SPECC1: variants seen among roughly 807,000 people sequenced by gnomAD.
SPECC1 encodes the protein sperm antigen with calponin homology and coiled-coil domains 1.
SPECC1 carries 62 observed loss-of-function variants against 104.1 expected under a neutral mutation model. The ratio of observed to expected loss-of-function variants is 0.60; its 90% CI spans 0.49 to 0.74. The LOEUF (loss-of-function observed/expected upper bound fraction) is 0.74, where lower values mean the gene tolerates loss of function less well. Ranked by LOEUF, SPECC1 falls within the 30% of genes least tolerant of loss-of-function variation. The probability of loss-of-function intolerance (pLI) is 0.00; values close to 1 mark genes in which losing one functional copy is unlikely to be tolerated. For synonymous variants in SPECC1, 513 were observed against 501.6 expected (o/e 1.02, Z -0.30); for missense variants, 1,306 against 1,310.5 (o/e 1.00, Z 0.05).
At chr17:20,254,835 C>T (rs192997943) in intron 10 of SPECC1, among the ~76,000 whole-genome samples, 277 of 152,232 alleles carry the variant, frequency 1.8e-3, no homozygotes, top group Non-Finnish European at 3.0e-3. Flanking sequence ...CAGGCTTGTT[C>T]TTAAAATAGT....
intron 13 of SPECC1, among the ~76,000 whole-genome samples, chr17:20,300,027 G>A (rs1246063090): frequency 1.3e-5 from 2 of 152,368 alleles, no homozygotes; most frequent in South Asian, 2.1e-4. Flanking sequence ...AGATGTGACT[G>A]AAGACTGAAT....
At chr17:20,014,665 C>T (rs935973942) in intron 1 of SPECC1, among the ~76,000 whole-genome samples, 1 of 152,070 alleles carries the variant, frequency 6.6e-6, no homozygotes, top group Non-Finnish European at 1.5e-5. Flanking sequence ...GTCTGACTCT[C>T]GTTTCTTTGT....
In SPECC1 at chr17:20,149,630, T is replaced by C. The variant is rs561317787; in HGVS notation, c.283+39068T>C. Among the ~76,000 whole-genome samples, 11 of 152,314 alleles carry C rather than the reference T, an allele frequency of 7.2e-5. No homozygotes were observed. The South Asian group carries it at 2.3e-3, about 32-fold the overall frequency. On this transcript the variant is annotated intron_variant, in intron 3 of 14. Coordinates refer to ENST00000395527, the MANE Select transcript of SPECC1 (RefSeq NM_001243439.2). ...CCTCTGGACTTGGTCTTGTAGACCT[T>C]TTCCCTTTTCTTTGTATCCTTTTGC...
intron 9 of SPECC1, among the ~76,000 whole-genome samples, chr17:20,252,917 A>G (rs2039685417): frequency 6.6e-6 from 1 of 151,912 alleles, no homozygotes; most frequent in Non-Finnish European, 1.5e-5. Flanking sequence ...TGGTAGTACT[A>G]TTTCTAATTT....
intron 3 of SPECC1, among the ~76,000 whole-genome samples, chr17:20,192,336 C>T (rs903826418): frequency 2.0e-5 from 3 of 152,054 alleles, no homozygotes; most frequent in Non-Finnish European, 2.9e-5. Context: ...AGTCCTTTAT[C>T]GGATATGTCT....
chr17:20,090,340 C>T (rs2047349532), intron 1 of SPECC1, among the ~76,000 whole-genome samples: 1 of 152,146 alleles, frequency 6.6e-6, no homozygotes, highest in African/African-American at 2.4e-5. Context: ...GGGTGCTGCA[C>T]TTTCCGTTTT....
rs757006741 is a variant in SPECC1 at position 20,009,396 on chromosome 17, G to A, written c.-50G>A. 1 of 152,156 alleles carries A rather than the reference G, an allele frequency of 6.6e-6. No homozygotes were observed. The allele number at this position is 152,156 out of a possible 1,614,324, so 9.4% of individuals were successfully genotyped here. ...GCGCCCGGAGCCGTGGCCGCTGGGG[G>A]TTGCGGCGGCGCTGAGCCAGCGGGG... On this transcript the variant is annotated 5_prime_UTR_variant, in exon 1 of 15. Transcript: ENST00000395527. This position sits in a 1 kb window ranked among gnomAD's most constrained non-coding sequence, Gnocchi z 5.2.
chr17:20,310,777 G>A (rs2041908197), intron 14 of SPECC1, among the ~76,000 whole-genome samples: 1 of 152,220 alleles, frequency 6.6e-6, no homozygotes, highest in Non-Finnish European at 1.5e-5. Flanking sequence ...CTGAGGCATG[G>A]CTGGGCCTAC....
At chr17:20,095,119 T>A (rs1430138416) in intron 1 of SPECC1, among the ~76,000 whole-genome samples, 1 of 152,200 alleles carries the variant, frequency 6.6e-6, no homozygotes, top group Non-Finnish European at 1.5e-5. Context: ...TTAGTTACTG[T>A]ATAGGTCTCA....
At chr17:20,093,195 C>T (rs192172638) in intron 1 of SPECC1, among the ~76,000 whole-genome samples, 4 of 152,138 alleles carry the variant, frequency 2.6e-5, no homozygotes, top group Admixed American at 6.5e-5. Context: ...GATCAAGGTG[C>T]CACTAGATTT....
intron 1 of SPECC1, among the ~76,000 whole-genome samples, chr17:20,024,212 T>C (rs1186049743): frequency 6.6e-6 from 1 of 152,208 alleles, no homozygotes; most frequent in East Asian, 1.9e-4. Flanking sequence ...AATCTTGTCA[T>C]TTCTTGAAAC....
At chr17:20,086,355 A>T (rs1419501313) in intron 1 of SPECC1, among the ~76,000 whole-genome samples, 1 of 151,938 alleles carries the variant, frequency 6.6e-6, no homozygotes, top group Non-Finnish European at 1.5e-5. Flanking sequence ...CTTCACTTCC[A>T]CAGACAGACA....
intron 3 of SPECC1, among the ~76,000 whole-genome samples, chr17:20,119,487 C>T (rs2048923028): frequency 6.6e-6 from 1 of 152,268 alleles, no homozygotes; most frequent in African/African-American, 2.4e-5. Flanking sequence ...CTGCCTCAGC[C>T]TCCCAAAGTG....
intron 10 of SPECC1, among the ~76,000 whole-genome samples, 182 bp downstream of exon 10, chr17:20,253,768 A>G (rs554139029): frequency 6.6e-6 from 1 of 152,326 alleles, no homozygotes; most frequent in Admixed American, 6.5e-5. Context: ...ACAAAAGGAA[A>G]AAGTGTCTCC....
At chr17:20,195,788 A>C (rs1015898538) in intron 3 of SPECC1, among the ~76,000 whole-genome samples, 2 of 152,172 alleles carry the variant, frequency 1.3e-5, no homozygotes, top group Non-Finnish European at 2.9e-5. Flanking sequence ...TAAATAAATA[A>C]ATCTTTCCAA....
chr17:20,159,194 C>T (rs944958051), intron 3 of SPECC1, among the ~76,000 whole-genome samples: 8 of 152,096 alleles, frequency 5.3e-5, no homozygotes, highest in Non-Finnish European at 8.8e-5. Flanking sequence ...ATCTGCCTGA[C>T]TCAGCCTCCC....
At chr17:20,057,168 G>GC (rs1425051945) in intron 1 of SPECC1, among the ~76,000 whole-genome samples, 4 of 152,176 alleles carry the variant, frequency 2.6e-5, no homozygotes, top group African/African-American at 9.7e-5. Context: ...TTGGCCGGGT[G>GC]CGGTGGCTCA....
At chr17:20,062,543 T>G (rs978933228) in intron 1 of SPECC1, among the ~76,000 whole-genome samples, 3 of 151,962 alleles carry the variant, frequency 2.0e-5, no homozygotes, top group Non-Finnish European at 2.9e-5. Context: ...TTAAAAACTT[T>G]TTTTAGAGAT....
rs1284085951 is a variant in SPECC1 at position 20,238,601 on chromosome 17, T to G, written c.2351+6196T>G. 4.8e-6 allele frequency: 5 copies of G among 1,042,694 alleles called. No individual in the cohort carries two copies. The African/African-American group carries it at 8.4e-5, about 17-fold the overall frequency. 64.6% of individuals were successfully genotyped at this position (1,042,694 alleles called of 1,614,324 possible). A position where few individuals can be genotyped will look rare whatever the true frequency, so the allele number is the denominator to read the frequency against. On this transcript the variant is annotated intron_variant, in intron 7 of 14. Transcript: ENST00000395527. ...GCACAGAATCATTAGAAAAATTAGC[T>G]TGGCGTGAGAAGAGACATTGAGGTC...
Sources: allele counts gnomAD v4.1 joint callset (sites outside exome capture counted in the v4.1 genomes callset), GRCh38; gene constraint gnomAD v4.1.1; non-coding constraint Gnocchi (gnomAD v3.1); transcripts MANE v1.5; gene names NCBI Gene and HGNC (gene_info 2026-07-23, HGNC 2026-07-21).